SCNN1B: variants seen among roughly 807,000 people sequenced by gnomAD.
SCNN1B encodes epithelial sodium channel subunit beta.
SCNN1B carries 46 observed loss-of-function variants against 65.3 expected under a neutral mutation model. The observed-to-expected ratio is 0.70, with a 90% CI of 0.56 to 0.90. SCNN1B has a LOEUF of 0.90. Among genes scored for constraint, SCNN1B ranks in the 40% least tolerant of loss-of-function variants. The pLI is 0.00. For synonymous variants in SCNN1B, 349 were observed against 330.6 expected, an observed-to-expected ratio of 1.06 and a Z score of -0.60; for missense variants, 751 against 830.5, an observed-to-expected ratio of 0.90 and a Z score of 1.18.
At position 23,345,737 on chromosome 16, in the gene SCNN1B, G is replaced by A. The variant is rs560875158; in HGVS notation, c.-8-2855G>A. Among the ~76,000 whole-genome samples, 6 of 152,288 alleles carry A rather than the reference G, an allele frequency of 3.9e-5. No individual in the cohort carries two copies. The South Asian group carries it at 1.2e-3, about 32-fold the overall frequency. ...ACCAACTGAGATGAAAGGGACAGCG[G>A]GATATCTTCACCTGAAACCTCAGTG... On this transcript the variant is annotated intron_variant, in intron 1 of 12. Coordinates refer to ENST00000343070, the MANE Select transcript of SCNN1B (RefSeq NM_000336.3).
intron 1 of SCNN1B, among the ~76,000 whole-genome samples, chr16:23,330,491 T>G (rs896539267): frequency 6.6e-6 from 1 of 152,192 alleles, no homozygotes; most frequent in Admixed American, 6.5e-5. Flanking sequence ...TTTCGGATCC[T>G]GCAGCCTGTT....
intron 1 of SCNN1B, among the ~76,000 whole-genome samples, chr16:23,319,616 G>A (rs116851887): frequency 6.6e-6 from 1 of 152,312 alleles, no homozygotes; most frequent in Non-Finnish European, 1.5e-5. Flanking sequence ...TATGATGGCA[G>A]CATTGAGTGG....
intron 1 of SCNN1B, among the ~76,000 whole-genome samples, chr16:23,336,440 C>T (rs1387352663): frequency 1.3e-5 from 2 of 149,852 alleles, no homozygotes; most frequent in Admixed American, 1.3e-4. Flanking sequence ...GGCACGATCT[C>T]GGCTCACTGC....
chr16:23,320,139 G>A (rs573031911), intron 1 of SCNN1B, among the ~76,000 whole-genome samples: 11 of 152,274 alleles, frequency 7.2e-5, no homozygotes, highest in East Asian at 5.8e-4. Flanking sequence ...CAGCTTTTGC[G>A]TCTCTAACAA....
At chr16:23,357,173 A>G (rs1012305820) in intron 4 of SCNN1B, among the ~76,000 whole-genome samples, 12 of 152,366 alleles carry the variant, frequency 7.9e-5, no homozygotes, top group African/African-American at 2.9e-4. Context: ...GGCACGTGAC[A>G]GGCTTCCAAG....
Position 23,380,325 on chromosome 16 carries a change from G to A in SCNN1B, c.1543-96G>A, listed in dbSNP as rs13306626. On this transcript the variant is annotated intron_variant, in intron 12 of 12. Transcript: ENST00000343070. This position sits in a 1 kb window ranked among gnomAD's most constrained non-coding sequence, Gnocchi z 5.4. ...TGGGCCAAGATGGTCACCCCCTCCCGTTCCCACCCAAGAATCACCTCCCAG... is the reference window on the plus strand; with the variant it reads ...TGGGCCAAGATGGTCACCCCCTCCCATTCCCACCCAAGAATCACCTCCCAG... The A allele has an allele frequency of 2.7e-4, 432 of 1,592,466 alleles. No individual in the cohort carries two copies. Among genetic ancestry groups the A allele is most frequent in the East Asian group, 1.4e-3 (61 of 44,758 alleles).
At chr16:23,338,315 G>C (rs1961985073) in intron 1 of SCNN1B, among the ~76,000 whole-genome samples, 1 of 152,086 alleles carries the variant, frequency 6.6e-6, no homozygotes, top group Non-Finnish European at 1.5e-5. Context: ...ACTTTTTCTG[G>C]CCTGGACACT....
chr16:23,293,114 C>CAAAAAAAAAAAAAAA lies in SCNN1B; in HGVS notation n.178+9324_178+9338dup, dbSNP rs1191618996. On this transcript the variant is annotated intron_variant and non_coding_transcript_variant, in intron 2 of 3. Coordinates refer to the SCNN1B transcript ENST00000569789. ...TGGGCAATACAGGGAGACTCATTCT[C>CAAAAAAAAAAAAAAA]AAAAAAAAAAAAAAAAAAAAAAAAA... Among the ~76,000 whole-genome samples the CAAAAAAAAAAAAAAA allele has an allele frequency of 4.4e-4, 15 of 34,180 alleles. 1 individual carries two copies. Among genetic ancestry groups the CAAAAAAAAAAAAAAA allele is most frequent in the Non-Finnish European group, 8.2e-4 (13 of 15,856 alleles). 22.4% of individuals were successfully genotyped at this position (34,180 alleles called of 152,430 possible).
chr16:23,378,780 C>G lies in SCNN1B; in HGVS notation c.1466+13C>G, dbSNP rs34354228. ...TCACCCTGAGCAGGTGAGCCTGAGCCTGGGCGGGGCTGGGGAAGACAGGGA... is the reference window on the plus strand; with the variant it reads ...TCACCCTGAGCAGGTGAGCCTGAGCGTGGGCGGGGCTGGGGAAGACAGGGA... On this transcript the variant is annotated intron_variant, in intron 11 of 12. Coordinates refer to ENST00000343070, the MANE Select transcript of SCNN1B (RefSeq NM_000336.3). The G allele has an allele frequency of 7.6e-5, 123 of 1,613,534 alleles. 1 individual carries two copies. Among genetic ancestry groups the G allele is most frequent in the Admixed American group, 6.3e-4 (38 of 60,016 alleles).
At chr16:23,310,320 T>C (rs942790373) in intron 1 of SCNN1B, among the ~76,000 whole-genome samples, 3 of 129,000 alleles carry the variant, frequency 2.3e-5, no homozygotes, top group South Asian at 5.0e-4. Flanking sequence ...AAAACCCACA[T>C]AAACTCAGGC....
rs1164859768 is a variant in SCNN1B, at chr16:23,291,471, TGTAA to T, written n.178+7670_178+7673del. Among the ~76,000 whole-genome samples, 1,091 of 133,128 alleles carry T rather than the reference TGTAA, an allele frequency of 8.2e-3. 15 individuals are homozygous for T. The highest frequency in any genetic ancestry group is 0.035 in the African/African-American group (1,025 of 29,102). The allele number at this position is 133,128 out of a possible 152,430, so 87.3% of individuals were successfully genotyped here. A position where few individuals can be genotyped will look rare whatever the true frequency, so the allele number is the denominator to read the frequency against. On this transcript the variant is annotated intron_variant and non_coding_transcript_variant, in intron 2 of 3. Transcript: ENST00000569789. The stretch of plus-strand genomic sequence containing the variant: ...ATATATCCATATATATATGTGTGTG[TGTAA>T]GTGTGTGTGTGTGTGTGTGTGTGTG...
intron 1 of SCNN1B, among the ~76,000 whole-genome samples, chr16:23,340,979 T>C (rs1313309717): frequency 6.6e-6 from 1 of 152,178 alleles, no homozygotes; most frequent in Non-Finnish European, 1.5e-5. Flanking sequence ...TTCTTTTGCT[T>C]TTCCATACAT....
intron 1 of SCNN1B, among the ~76,000 whole-genome samples, chr16:23,332,667 C>T (rs1295796696): frequency 1.3e-5 from 2 of 152,156 alleles, no homozygotes; most frequent in African/African-American, 2.4e-5. Flanking sequence ...CCTGTAATCC[C>T]ACATATAGGC....
At chr16:23,366,591 G>C (rs1187464372) in intron 4 of SCNN1B, among the ~76,000 whole-genome samples, 2 of 152,136 alleles carry the variant, frequency 1.3e-5, no homozygotes, top group Non-Finnish European at 1.5e-5. Flanking sequence ...CAAATTAGCC[G>C]GGTGTGGTGG....
chr16:23,320,347 CCAATCTGGGGACCAGA>C (rs1231426140), intron 1 of SCNN1B, among the ~76,000 whole-genome samples: 1 of 152,194 alleles, frequency 6.6e-6, no homozygotes, highest in Admixed American at 6.5e-5. Flanking sequence ...GCTGTTTCAG[CCAATCTGGGGACCAGA>C]CTTGGAGAAC....
At chr16:23,283,751 C>T (rs1310826272) in exon 2 of SCNN1B, 6 of 152,210 alleles carry the variant, frequency 3.9e-5, no homozygotes, top group Admixed American at 2.0e-4. Flanking sequence ...GAAGCCAAGC[C>T]GGAGATGGTG....
In SCNN1B at chr16:23,380,726, G is replaced by A. The variant is rs368148735; in HGVS notation, c.1848G>A (p.Pro616=). The change falls in exon 13 of 13, where the codon CCG becomes CCA. Residue 616 remains proline (P), a synonymous_variant. Transcript: ENST00000343070. This position sits in a 1 kb window ranked among gnomAD's most constrained non-coding sequence, Gnocchi z 5.4. ...SEQALPIPGT[P]PPNYDSLRLQ... ...AGGCCCTGCCCATCCCAGGCACCCC[G>A]CCCCCCAACTATGACTCCCTGCGTC... 1.6e-5 allele frequency: 26 copies of A among 1,611,306 alleles called. No homozygotes were observed. The highest frequency in any genetic ancestry group is 5.0e-5 in the Admixed American group (3 of 59,930).
intron 4 of SCNN1B, among the ~76,000 whole-genome samples, chr16:23,364,946 T>G (rs9745706): frequency 1.3e-5 from 2 of 152,004 alleles, no homozygotes; most frequent in Admixed American, 6.6e-5. Context: ...GCCAACATGG[T>G]GAAACCCCAT....
chr16:23,324,873 C>T (rs929135093), intron 1 of SCNN1B, among the ~76,000 whole-genome samples: 4 of 152,226 alleles, frequency 2.6e-5, no homozygotes, highest in Non-Finnish European at 5.9e-5. Flanking sequence ...TGGGGATGGG[C>T]TTAGGTGCTC....
Sources: allele counts gnomAD v4.1 joint callset (sites outside exome capture counted in the v4.1 genomes callset), GRCh38; gene constraint gnomAD v4.1.1; non-coding constraint Gnocchi (gnomAD v3.1); transcripts MANE v1.5; gene names NCBI Gene and HGNC (gene_info 2026-07-23, HGNC 2026-07-21).